Variants in TNC observed in about 807,000 individuals in gnomAD.
TNC encodes the protein tenascin.
TNC carries 109 observed loss-of-function variants against 202.4 expected under a neutral mutation model. The ratio of observed to expected loss-of-function variants is 0.54; its 90% CI spans 0.46 to 0.63. TNC has a LOEUF of 0.63. Among genes scored for constraint, TNC ranks in the 30% least tolerant of loss-of-function variants. The probability of loss-of-function intolerance (pLI) is 0.00; values close to 1 mark genes in which losing one functional copy is unlikely to be tolerated. For missense variants in TNC, 2,756 were observed against 2,833.3 expected (o/e 0.97, Z 0.62); for synonymous variants, 1,007 against 1,089.7 (o/e 0.92, Z 1.50).
chr9:115,027,095 C>A (rs1284683057), intron 25 of TNC, among the ~76,000 whole-genome samples: 2 of 137,648 alleles, frequency 1.5e-5, no homozygotes, highest in South Asian at 5.0e-4. Flanking sequence ...GGTGACAGAG[C>A]AAGACTCCAT....
rs962748740 is a variant in TNC, at chr9:115,062,998, C to T, written c.3952G>A (p.Ala1318Thr). ...LRSMEIPGLR[A>T]GTPYTVTLHG... ...AGGGTGACTGTGTAAGGAGTGCCAG[C>T]CCTGAGGCCTGGGATTTCCATGGAA... The change falls in exon 13 of 28, where the codon GCT becomes ACT. Residue 1318 changes from alanine (A) to threonine (T), a missense_variant. Physicochemically the swap from Ala to Thr is moderately conservative, Grantham distance 58 (BLOSUM62 0). Coordinates refer to ENST00000350763, the MANE Select transcript of TNC (RefSeq NM_002160.4). 6.2e-7 allele frequency: 1 copy of T among 1,614,098 alleles called. No individual in the cohort carries two copies. The highest frequency in any genetic ancestry group is 1.7e-5 in the Admixed American group (1 of 59,996).
intron 17 of TNC, among the ~76,000 whole-genome samples, chr9:115,043,514 A>C (rs904631106): frequency 6.6e-6 from 1 of 152,158 alleles, no homozygotes; most frequent in Non-Finnish European, 1.5e-5. Flanking sequence ...CAGTTTCTCC[A>C]TCTGTCCAGA....
chr9:115,087,300 A>T, intron 2 of TNC, 27 bp from the exon 3 acceptor site: 1 of 1,605,022 alleles, frequency 6.2e-7, no homozygotes, highest in South Asian at 1.1e-5. Flanking sequence ...AGAAGTTCTC[A>T]GCCAGGCTTA....
At chr9:115,029,242 A>G in intron 25 of TNC, 118 bp downstream of exon 25, 1 of 810,622 alleles carries the variant, frequency 1.2e-6, no homozygotes, top group Non-Finnish European at 2.1e-6. Flanking sequence ...TGTGTCTGCC[A>G]CCAGAAGTAG....
chr9:115,092,240 C>T (rs1247523058), intron 1 of TNC, among the ~76,000 whole-genome samples: 1 of 152,146 alleles, frequency 6.6e-6, no homozygotes, highest in Non-Finnish European at 1.5e-5. Context: ...AAAATTTAAG[C>T]TGAGCCTTAA....
chr9:115,077,891 A>C (rs1833997429), intron 7 of TNC, 52 bp downstream of exon 7: 526 of 1,431,794 alleles, frequency 3.7e-4, no homozygotes, highest in Middle Eastern at 5.6e-4. Context: ...GTGGGATGGA[A>C]ATCTTTCAAT....
At chr9:115,046,780 G>T in intron 16 of TNC, 98 bp from the exon 17 acceptor site, 1 of 1,375,866 alleles carries the variant, frequency 7.3e-7, no homozygotes, top group Non-Finnish European at 1.0e-6. Flanking sequence ...ATGTAGTGAT[G>T]CCCCGGCTTT....
intron 10 of TNC, among the ~76,000 whole-genome samples, chr9:115,067,191 A>G (rs1226972314): frequency 1.3e-5 from 2 of 152,228 alleles, no homozygotes; most frequent in African/African-American, 4.8e-5. Flanking sequence ...TACCCTTGAC[A>G]TTGGGATTTA....
intron 2 of TNC, among the ~76,000 whole-genome samples, chr9:115,088,459 G>A (rs538617851): frequency 4.0e-4 from 61 of 152,232 alleles, no homozygotes; most frequent in African/African-American, 1.4e-3. Context: ...GCTAAGTGGA[G>A]GTCAACTTAA....
In TNC at chr9:115,069,634, CCCTCCCTT is replaced by C. The variant is rs1564467095; in HGVS notation, c.3214+3961_3214+3968del. Reference sequence around the variant, plus strand: ...TCCCTCCCTCTCTCCCTCCCTCCCTCCCTCCCTTCCTCCCTCCCTCCCTCCCTCCCTCC... The same window carrying C: ...TCCCTCCCTCTCTCCCTCCCTCCCTCCCTCCCTCCCTCCCTCCCTCCCTCC... On this transcript the variant is annotated intron_variant, in intron 10 of 27. Transcript: ENST00000350763. 1.5e-4 allele frequency among the ~76,000 whole-genome samples: 2 copies of C among 13,070 alleles called. 1 individual carries two copies. 8.6% of individuals were successfully genotyped at this position (13,070 alleles called of 152,430 possible).
At chr9:115,106,704 T>A (rs1188825166) in intron 1 of TNC, among the ~76,000 whole-genome samples, 4 of 152,154 alleles carry the variant, frequency 2.6e-5, no homozygotes, top group Admixed American at 1.3e-4. Flanking sequence ...TAAAAATCTA[T>A]CATTTCTGGA....
intron 1 of TNC, among the ~76,000 whole-genome samples, chr9:115,106,021 C>A (rs1836589462): frequency 6.6e-6 from 1 of 152,118 alleles, no homozygotes; most frequent in South Asian, 2.1e-4. Flanking sequence ...AAATCCTAGA[C>A]CCTTACTCCT....
chr9:115,088,310 T>C (rs928641150), intron 2 of TNC, among the ~76,000 whole-genome samples: 1 of 152,230 alleles, frequency 6.6e-6, no homozygotes, highest in African/African-American at 2.4e-5. Flanking sequence ...TGTGGGTTTA[T>C]ATAACCAAAA....
At chr9:115,063,299 G>C in intron 12 of TNC, 110 bp from the exon 13 acceptor site, 3 of 1,126,796 alleles carry the variant, frequency 2.7e-6, no homozygotes, top group Non-Finnish European at 3.8e-6. Context: ...GGTTAGTGTT[G>C]ATTATAGATG....
At chr9:115,031,070 G>T (rs537424295) in intron 23 of TNC, among the ~76,000 whole-genome samples, 18 of 152,306 alleles carry the variant, frequency 1.2e-4, no homozygotes, top group African/African-American at 3.9e-4. Context: ...GATCATTTGT[G>T]ATTTTGAATG....
chr9:115,030,317 A>G lies in TNC; in HGVS notation c.6009T>C (p.Asn2003=), dbSNP rs1259002387. The change falls in exon 24 of 28, where the codon AAT becomes AAC. Residue 2003 remains asparagine (N), a synonymous_variant. Transcript: ENST00000350763. ...TTSGLYTIYL[N]GDKAEALEVF... ...CTTCCAGCGCCTCAGCCTTATCACC[A>G]TTCAGATAAATGGTGTAGAGGCCAG... The G allele has an allele frequency of 5.0e-6, 8 of 1,613,808 alleles. No homozygotes were observed. Among genetic ancestry groups the G allele is most frequent in the Non-Finnish European group, 5.9e-6 (7 of 1,179,826 alleles).
rs1836997730 is a variant in TNC at position 115,110,959 on chromosome 9, A to T, written c.-137+7023T>A. On this transcript the variant is annotated intron_variant, in intron 1 of 27. Coordinates refer to ENST00000350763, the MANE Select transcript of TNC (RefSeq NM_002160.4). The stretch of plus-strand genomic sequence containing the variant: ...CAGTGGTGTGATCTCGGCTAACTGC[A>T]AGCTCCGCCTCCCAGGTTCACGCCA... Among the ~76,000 whole-genome samples the T allele has an allele frequency of 2.0e-5, 3 of 149,982 alleles. No homozygotes were observed. The South Asian group carries it at 6.4e-4, about 32-fold the overall frequency.
rs375940361 is a variant in TNC, at chr9:115,084,436, G to A, written c.1904C>T (p.Thr635Met). 76 of 1,614,034 alleles carry A rather than the reference G, an allele frequency of 4.7e-5. No homozygotes were observed. The highest frequency in any genetic ancestry group is 1.6e-4 in the Middle Eastern group (1 of 6,084). ...CCAGGCCAGGTTGACCGTCTCTTCC[G>A]TCACTTCTGTCACAACGAGGTCTTT... ...PPKDLVVTEV[T>M]EETVNLAWDN... The change falls in exon 4 of 28, where the codon ACG (threonine) becomes ATG (methionine). Residue 635 changes from threonine to methionine, a missense_variant. Coordinates refer to ENST00000350763, the MANE Select transcript of TNC (RefSeq NM_002160.4).
At chr9:115,107,077 AT>A (rs149072735) in intron 1 of TNC, among the ~76,000 whole-genome samples, 17,678 of 150,766 alleles carry the variant, frequency 0.12, 1,084 homozygotes, top group Middle Eastern at 0.16. Flanking sequence ...TTACTAGATG[AT>A]TTTTTTTTTC....
Sources: allele counts gnomAD v4.1 joint callset (sites outside exome capture counted in the v4.1 genomes callset), GRCh38; gene constraint gnomAD v4.1.1; transcripts MANE v1.5; gene names NCBI Gene and HGNC (gene_info 2026-07-23, HGNC 2026-07-21).